CDH12: variants seen among roughly 807,000 people sequenced by gnomAD.
CDH12 encodes cadherin-12.
CDH12 carries 41 observed loss-of-function variants against 74.1 expected under a neutral mutation model. That is an observed-to-expected ratio of 0.55 (90% CI 0.43 to 0.72). CDH12 has a LOEUF of 0.72. CDH12 is among the 30% of genes least tolerant of loss of function. The pLI, the probability that CDH12 is intolerant of heterozygous loss-of-function variation, is 0.00. For synonymous variants in CDH12, 399 were observed against 355.0 expected (o/e 1.12, Z -1.39); for missense variants, 945 against 977.2 (o/e 0.97, Z 0.44).
chr5:22,262,725 C>T (rs1274113773), intron 3 of CDH12, among the ~76,000 whole-genome samples: 1 of 151,798 alleles, frequency 6.6e-6, no homozygotes, highest in Non-Finnish European at 1.5e-5. Flanking sequence ...AGTTTACAGT[C>T]CCACCAACAG....
At chr5:22,420,745 T>C (rs1025994582) in intron 2 of CDH12, among the ~76,000 whole-genome samples, 4 of 152,188 alleles carry the variant, frequency 2.6e-5, no homozygotes, top group African/African-American at 9.6e-5. Flanking sequence ...AATGGTAGTT[T>C]AATGGGAATA....
intron 4 of CDH12, among the ~76,000 whole-genome samples, chr5:22,135,671 A>G (rs1746421868): frequency 6.6e-6 from 1 of 151,924 alleles, no homozygotes; most frequent in African/African-American, 2.4e-5. Flanking sequence ...GGTTTTACTA[A>G]AAAAAGAAAT....
intron 3 of CDH12, among the ~76,000 whole-genome samples, chr5:22,227,074 T>C (rs1752218037): frequency 6.6e-6 from 1 of 152,044 alleles, no homozygotes; most frequent in South Asian, 2.1e-4. Flanking sequence ...ATTTTTGGCG[T>C]GGGAAAAATT....
At chr5:21,961,932 T>C (rs2150110703) in intron 6 of CDH12, among the ~76,000 whole-genome samples, 1 of 152,288 alleles carries the variant, frequency 6.6e-6, no homozygotes, top group African/African-American at 2.4e-5. Context: ...CATGTTACTA[T>C]TTGCCTACTA....
At chr5:22,027,806 C>G (rs1298135955) in intron 5 of CDH12, among the ~76,000 whole-genome samples, 1 of 152,038 alleles carries the variant, frequency 6.6e-6, no homozygotes, top group Non-Finnish European at 1.5e-5. Context: ...TTTTGTGTCT[C>G]TATTTCCTTC....
Position 22,752,078 on chromosome 5 carries a change from T to C in CDH12, c.-523+100980A>G, listed in dbSNP as rs1036900015. Among the ~76,000 whole-genome samples, 6 of 152,204 alleles carry C rather than the reference T, an allele frequency of 3.9e-5. No individual in the cohort carries two copies. In the East Asian group the frequency reaches 1.2e-3, roughly 29 times the overall value. On this transcript the variant is annotated intron_variant, in intron 1 of 14. Transcript: ENST00000382254. ...TAGAGAAAAGTAGCAAATCTCATAC[T>C]AGCTATTAAAAACTAAATGTATTAT...
chr5:22,797,933 G>A (rs1476754797), intron 1 of CDH12, among the ~76,000 whole-genome samples: 1 of 152,112 alleles, frequency 6.6e-6, no homozygotes, highest in African/African-American at 2.4e-5. Context: ...ATGCGTTTTG[G>A]TACAGTACCA....
chr5:22,633,642 A>G (rs1738691609), intron 1 of CDH12, among the ~76,000 whole-genome samples: 1 of 152,172 alleles, frequency 6.6e-6, no homozygotes, highest in Non-Finnish European at 1.5e-5. Flanking sequence ...ACTAATGGCC[A>G]GACTGTTTGA....
chr5:22,396,227 T>C (rs919781949), intron 3 of CDH12, among the ~76,000 whole-genome samples: 2 of 152,088 alleles, frequency 1.3e-5, no homozygotes, highest in African/African-American at 4.8e-5. Context: ...TCAGTGTTTC[T>C]AGTGTACAAT....
intron 1 of CDH12, among the ~76,000 whole-genome samples, chr5:22,527,526 C>G (rs576527580): frequency 7.2e-5 from 11 of 152,238 alleles, no homozygotes; most frequent in African/African-American, 2.6e-4. Flanking sequence ...TTTGAGTGTG[C>G]TGCCCATTAT....
At chr5:21,930,682 C>A (rs778165307) in intron 6 of CDH12, among the ~76,000 whole-genome samples, 1 of 152,154 alleles carries the variant, frequency 6.6e-6, no homozygotes, top group Non-Finnish European at 1.5e-5. Context: ...TTTATTACTT[C>A]TCCAAGCCTC....
intron 1 of CDH12, among the ~76,000 whole-genome samples, chr5:22,667,978 A>G (rs77628800): frequency 7.9e-5 from 12 of 152,188 alleles, no homozygotes; most frequent in African/African-American, 2.9e-4. Context: ...CATTTAGATC[A>G]TATAAAGAAA....
At chr5:21,865,360 A>T (rs1751271987) in intron 6 of CDH12, among the ~76,000 whole-genome samples, 1 of 152,134 alleles carries the variant, frequency 6.6e-6, no homozygotes, top group Admixed American at 6.5e-5. Flanking sequence ...TGGCCAAGCT[A>T]CCCTTTGCTA....
intron 1 of CDH12, among the ~76,000 whole-genome samples, chr5:22,715,297 A>C (rs2126980652): frequency 6.6e-6 from 1 of 152,352 alleles, no homozygotes; most frequent in Non-Finnish European, 1.5e-5. Flanking sequence ...AATGGATTAT[A>C]ATTTGATATT....
intron 8 of CDH12, among the ~76,000 whole-genome samples, chr5:21,819,242 A>G (rs1748229054): frequency 6.6e-6 from 1 of 152,006 alleles, no homozygotes; most frequent in Non-Finnish European, 1.5e-5. Context: ...AAATTAAACC[A>G]TGATCCTAGT....
intron 4 of CDH12, among the ~76,000 whole-genome samples, chr5:22,094,890 C>A (rs1743656419): frequency 6.6e-6 from 1 of 152,304 alleles, no homozygotes; most frequent in Admixed American, 6.5e-5. Flanking sequence ...GAGAACAACC[C>A]CTCTTTGACT....
At chr5:22,234,702 G>A (rs900547536) in intron 3 of CDH12, among the ~76,000 whole-genome samples, 1 of 150,274 alleles carries the variant, frequency 6.7e-6, no homozygotes, top group Non-Finnish European at 1.5e-5. Flanking sequence ...ATATATTTAT[G>A]TATGTATGTG....
chr5:22,247,597 C>A (rs1319656374), intron 3 of CDH12, among the ~76,000 whole-genome samples: 1 of 152,060 alleles, frequency 6.6e-6, no homozygotes, highest in Non-Finnish European at 1.5e-5. Flanking sequence ...ATCGCTTGAA[C>A]CTGGGAGACA....
intron 3 of CDH12, among the ~76,000 whole-genome samples, chr5:22,327,407 C>T (rs1024813065): frequency 8.2e-5 from 12 of 147,026 alleles, no homozygotes; most frequent in Admixed American, 2.8e-4. Context: ...AGCCACTGAC[C>T]GGGAGATAAA....
Sources: allele counts gnomAD v4.1 joint callset (sites outside exome capture counted in the v4.1 genomes callset), GRCh38; gene constraint gnomAD v4.1.1; transcripts MANE v1.5; gene names NCBI Gene and HGNC (gene_info 2026-07-23, HGNC 2026-07-21).